The following EBF1 variants were observed in gnomAD, a reference collection of about 807,000 sequenced individuals.
EBF1 encodes the protein transcription factor COE1.
In EBF1, 10 loss-of-function variants were observed where a neutral mutation model predicts 68.4. The observed-to-expected ratio is 0.15, with a 90% CI of 0.09 to 0.25. The LOEUF (loss-of-function observed/expected upper bound fraction) is 0.25, where lower values mean the gene tolerates loss of function less well. EBF1 is among the 10% of genes least tolerant of loss of function. EBF1 has a pLI of 1.00. For synonymous variants in EBF1, 298 were observed against 299.8 expected (o/e 0.99, Z 0.06); for missense variants, 509 against 794.4 (o/e 0.64, Z 4.32).
At chr5:158,827,262 A>G (rs555497885) in intron 7 of EBF1, among the ~76,000 whole-genome samples, 5 of 152,334 alleles carry the variant, frequency 3.3e-5, no homozygotes, top group Non-Finnish European at 5.9e-5. Flanking sequence ...GTAATTTTAA[A>G]TAAAAGGATA....
intron 6 of EBF1, among the ~76,000 whole-genome samples, chr5:159,028,406 T>C (rs1029585337): frequency 2.0e-5 from 3 of 152,148 alleles, no homozygotes; most frequent in African/African-American, 7.2e-5. Context: ...GGTACCGTAC[T>C]AGAGGAGGAG....
chr5:158,708,002 C>G lies in EBF1; in HGVS notation c.1721G>C (p.Ser574Thr). The change falls in exon 15 of 16, where the codon AGC becomes ACC. Residue 574 changes from serine (S) to threonine (T), a missense_variant. This residue lies in a region of EBF1 where 205 missense variants were observed against 247.4 expected (regional missense o/e 0.83). Transcript: ENST00000313708. ...ACCTTGCAGGCTGTTCCCGTTGGTG[C>G]TGGTGCAGGTGGGAGGTGGGGAGGT... ...PQTSPPPTCT[S>T]TNGNSLQAIS... is the part of the protein sequence containing the mutation. 6.5e-7 allele frequency: 1 copy of G among 1,550,226 alleles called. No individual in the cohort carries two copies. Among genetic ancestry groups the G allele is most frequent in the Non-Finnish European group, 8.7e-7 (1 of 1,146,982 alleles).
intron 6 of EBF1, among the ~76,000 whole-genome samples, chr5:158,990,675 C>T (rs978455284): frequency 1.2e-4 from 18 of 152,336 alleles, no homozygotes; most frequent in African/African-American, 4.3e-4. Context: ...GTCCCTTAGT[C>T]TCCCTGTGCC....
At chr5:158,918,974 T>A (rs1807810212) in intron 6 of EBF1, among the ~76,000 whole-genome samples, 2 of 152,234 alleles carry the variant, frequency 1.3e-5, no homozygotes, top group Admixed American at 1.3e-4. Context: ...GCATTCATTA[T>A]CCATGAAGCC....
chr5:158,762,271 T>C (rs1371212343), intron 10 of EBF1, among the ~76,000 whole-genome samples: 2 of 152,208 alleles, frequency 1.3e-5, no homozygotes, highest in African/African-American at 2.4e-5. Flanking sequence ...TGAATACTTA[T>C]ATTAGAGATT....
chr5:158,740,341 A>C (rs1766068870), intron 10 of EBF1, among the ~76,000 whole-genome samples: 1 of 152,152 alleles, frequency 6.6e-6, no homozygotes, highest in African/African-American at 2.4e-5. Flanking sequence ...TGTTAATATC[A>C]TGGTTTTATG....
At chr5:159,034,472 C>A (rs992806606) in intron 6 of EBF1, among the ~76,000 whole-genome samples, 1 of 152,144 alleles carries the variant, frequency 6.6e-6, no homozygotes, top group Admixed American at 6.5e-5. Flanking sequence ...TGGGCCAGAG[C>A]GCCTCTCAAT....
At chr5:158,931,408 G>A (rs557507378) in intron 6 of EBF1, among the ~76,000 whole-genome samples, 10 of 152,288 alleles carry the variant, frequency 6.6e-5, no homozygotes, top group African/African-American at 2.2e-4. Context: ...TGGTATTCAT[G>A]TTTTGGGCTG....
chr5:158,811,237 C>T (rs1339288069), intron 8 of EBF1, among the ~76,000 whole-genome samples: 1 of 152,102 alleles, frequency 6.6e-6, no homozygotes, highest in Non-Finnish European at 1.5e-5. Context: ...CTGCACATGC[C>T]AACTAACTTA....
intron 6 of EBF1, among the ~76,000 whole-genome samples, chr5:159,011,603 A>T (rs891194941): frequency 3.3e-4 from 50 of 152,192 alleles, no homozygotes; most frequent in African/African-American, 1.2e-3. Flanking sequence ...GTTTGCTAAA[A>T]AGCCTATTTT....
chr5:159,097,545 G>C (rs537080730), intron 1 of EBF1: 1 of 247,574 alleles, frequency 4.0e-6, no homozygotes. Flanking sequence ...GTCTCAGCTA[G>C]CAGGGCAGGT....
intron 6 of EBF1, among the ~76,000 whole-genome samples, chr5:158,875,635 G>A (rs1393462581): frequency 2.0e-5 from 3 of 152,158 alleles, no homozygotes; most frequent in Non-Finnish European, 4.4e-5. Flanking sequence ...GTTCTGAGCT[G>A]TTTCTGTAAC....
At chr5:158,947,283 C>T (rs910073988) in intron 6 of EBF1, among the ~76,000 whole-genome samples, 3 of 151,976 alleles carry the variant, frequency 2.0e-5, no homozygotes, top group South Asian at 2.1e-4. Context: ...CCCAAAGGGC[C>T]GCCCAGTTTT....
chr5:158,857,767 G>T (rs1582630956), intron 6 of EBF1, among the ~76,000 whole-genome samples: 1 of 152,084 alleles, frequency 6.6e-6, no homozygotes, highest in Non-Finnish European at 1.5e-5. Flanking sequence ...TTGCTTCTTG[G>T]TCTCACCTAG....
At chr5:158,748,667 T>A (rs1426518200) in intron 10 of EBF1, among the ~76,000 whole-genome samples, 2 of 152,182 alleles carry the variant, frequency 1.3e-5, no homozygotes, top group Non-Finnish European at 2.9e-5. Context: ...TAAGTGCTCA[T>A]CTTCACAACC....
intron 6 of EBF1, among the ~76,000 whole-genome samples, chr5:158,875,259 A>C (rs1016388271): frequency 2.0e-5 from 3 of 152,202 alleles, no homozygotes; most frequent in African/African-American, 4.8e-5. Flanking sequence ...AGGGTAGAGG[A>C]GCTTGAAACC....
intron 9 of EBF1, among the ~76,000 whole-genome samples, chr5:158,785,021 T>A (rs1777144182): frequency 6.6e-6 from 1 of 152,202 alleles, no homozygotes; most frequent in Admixed American, 6.5e-5. Flanking sequence ...ACTTTCCAGA[T>A]TAATTTTTTA....
intron 6 of EBF1, among the ~76,000 whole-genome samples, chr5:158,892,749 G>A (rs1801425598): frequency 6.6e-6 from 1 of 152,048 alleles, no homozygotes; most frequent in Non-Finnish European, 1.5e-5. Context: ...TCTCCATCCT[G>A]AGCAGACCTC....
intron 8 of EBF1, among the ~76,000 whole-genome samples, chr5:158,800,195 T>C (rs1247427149): frequency 6.6e-6 from 1 of 152,148 alleles, no homozygotes; most frequent in Admixed American, 6.5e-5. Flanking sequence ...TATGGAAAGA[T>C]TTCAAAATAG....
Sources: gnomAD v4.1 joint callset for allele counts (sites outside exome capture counted in the v4.1 genomes callset) on GRCh38, gnomAD v4.1.1 for gene constraint, gnomAD v4.1.1 regional missense constraint, MANE v1.5 for transcripts, NCBI Gene and HGNC (gene_info 2026-07-23, HGNC 2026-07-21) for gene names.